ADAMTS10: variants seen among roughly 807,000 people sequenced by gnomAD.
The protein encoded by ADAMTS10 is A disintegrin and metalloproteinase with thrombospondin motifs 10.
In ADAMTS10, 48 loss-of-function variants were observed where a neutral mutation model predicts 135.9. That is an observed-to-expected ratio of 0.35 (90% CI 0.28 to 0.45). ADAMTS10 has a LOEUF of 0.45. ADAMTS10 is among the 20% of genes least tolerant of loss of function. The probability of loss-of-function intolerance (pLI) is 1.00; values close to 1 mark genes in which losing one functional copy is unlikely to be tolerated. For synonymous variants in ADAMTS10, 621 were observed against 647.5 expected (o/e 0.96, Z 0.62); for missense variants, 1,131 against 1,565.2 (o/e 0.72, Z 4.68).
chr19:8,592,028 G>C lies in ADAMTS10; in HGVS notation c.1663C>G (p.Pro555Ala), dbSNP rs1568398490. Residue 555 changes from proline (P) to alanine (A), a missense_variant, in exon 14 of 26, where the codon CCA becomes GCA. Around this residue, in one of 3 missense-constraint regions of ADAMTS10, gnomAD observed 745 missense variants for 1,056.3 expected, o/e 0.71. Transcript: ENST00000597188. The stretch of plus-strand genomic sequence containing the variant: ...CAGGTCCGGCTGCAGTCGCCCCATG[G>C]AGTCCACGGCCCCCAGGCTCCGTCC... ...GVDGAWGPWT[P>A]WGDCSRTCGG... is the part of the protein sequence containing the mutation. The C allele has an allele frequency of 1.2e-6, 2 of 1,613,828 alleles. No homozygotes were observed. The highest frequency in any genetic ancestry group is 1.7e-6 in the Non-Finnish European group (2 of 1,179,884).
chr19:8,591,446 T>TTG (rs200432122), intron 15 of ADAMTS10, among the ~76,000 whole-genome samples: 28 of 138,516 alleles, frequency 2.0e-4, no homozygotes, highest in South Asian at 4.5e-4. Flanking sequence ...GTTTTTGTTT[T>TTG]TTTTTTTTTT....
intron 12 of ADAMTS10, 47 bp downstream of exon 12, chr19:8,595,715 G>A: frequency 1.7e-5 from 14 of 843,890 alleles, no homozygotes; most frequent in East Asian, 9.6e-5. Context: ...CCCAGCCCCA[G>A]CGGCCCCCTC....
At chr19:8,600,460 TTCTTTTCTCTTTCTTTCTG>T (rs2042650322) in intron 6 of ADAMTS10, among the ~76,000 whole-genome samples, 2 of 141,114 alleles carry the variant, frequency 1.4e-5, no homozygotes, top group South Asian at 5.4e-4. Context: ...CTCTCTTTCT[TTCTTTTCTCTTTCTTTCTG>T]TCTTTTCTTT....
At chr19:8,609,370 A>G (rs1405423327) in intron 1 of ADAMTS10, among the ~76,000 whole-genome samples, 1 of 151,750 alleles carries the variant, frequency 6.6e-6, no homozygotes, top group Admixed American at 6.6e-5. Context: ...GGAAATGGAA[A>G]TGGCTTAGAA....
At chr19:8,600,853 C>A (rs1269621241) in intron 6 of ADAMTS10, 75 bp downstream of exon 6, 1 of 1,570,992 alleles carries the variant, frequency 6.4e-7, no homozygotes, top group Non-Finnish European at 8.7e-7. Context: ...GGGATGGTAG[C>A]CACCCCCTTG....
chr19:8,607,191 A>C (rs7253116), intron 2 of ADAMTS10, among the ~76,000 whole-genome samples: 84,819 of 151,912 alleles, frequency 0.56, 24,385 homozygotes, highest in Non-Finnish European at 0.62. Flanking sequence ...TCTTTGGATT[A>C]TCTGAAATGG....
intron 6 of ADAMTS10, 21 bp downstream of exon 6, chr19:8,600,907 C>G (rs1322786161): frequency 6.2e-7 from 1 of 1,613,786 alleles, no homozygotes; most frequent in East Asian, 2.2e-5. Flanking sequence ...GCTGCGTGCC[C>G]AGGGAGGGGA....
In ADAMTS10 at chr19:8,589,349, C is replaced by T. The variant is rs372858576; in HGVS notation, c.2051G>A (p.Arg684Gln). ...CTCCCGCAGGTCGGAGCCCAGGACTCGGTCGCAGCCCACGTGCTGCGTGGA... is the reference window on the plus strand; with the variant it reads ...CTCCCGCAGGTCGGAGCCCAGGACTTGGTCGCAGCCCACGTGCTGCGTGGA... ...SGECKHVGCD[R>Q]VLGSDLREDK... is the part of the protein sequence containing the mutation. The change falls in exon 18 of 26, where the codon CGA becomes CAA. Residue 684 changes from arginine to glutamine, a missense_variant. Around this residue, in one of 3 missense-constraint regions of ADAMTS10, gnomAD observed 745 missense variants for 1,056.3 expected, o/e 0.71. Coordinates refer to ENST00000597188, the MANE Select transcript of ADAMTS10 (RefSeq NM_030957.4). 30 of 1,612,258 alleles carry T rather than the reference C, an allele frequency of 1.9e-5. No homozygotes were observed. Among genetic ancestry groups the T allele is most frequent in the Non-Finnish European group, 2.3e-5 (27 of 1,179,922 alleles).
intron 4 of ADAMTS10, among the ~76,000 whole-genome samples, chr19:8,604,778 G>A (rs1394032275): frequency 6.6e-6 from 1 of 151,990 alleles, no homozygotes; most frequent in East Asian, 1.9e-4. Context: ...AAGTCACCAT[G>A]CCCAGCCTCG....
intron 1 of ADAMTS10, among the ~76,000 whole-genome samples, chr19:8,610,097 A>T (rs2042764236): frequency 6.6e-6 from 1 of 151,848 alleles, no homozygotes; most frequent in South Asian, 2.1e-4. Flanking sequence ...ACAGACACAC[A>T]GGCCTACACG....
intron 25 of ADAMTS10, among the ~76,000 whole-genome samples, chr19:8,584,431 G>A (rs964884661): frequency 6.6e-6 from 1 of 151,748 alleles, no homozygotes; most frequent in Non-Finnish European, 1.5e-5. Context: ...AGGATCGCTT[G>A]AGCCCAGGAG....
In ADAMTS10 at chr19:8,589,895, G is replaced by T. The variant is rs571080944; in HGVS notation, c.1894C>A (p.Arg632=). ...RGKFYKWKTY[R]GGGVKACSLT... ...TTTGGAGTCCCACACTCACCTCCCC[G>T]GTACGTTTTCCACTTGTAGAATTTC... Residue 632 remains arginine, a synonymous_variant, in exon 16 of 26, where the codon CGG becomes AGG. Transcript: ENST00000597188. 1.2e-6 allele frequency: 2 copies of T among 1,613,636 alleles called. No homozygotes were observed. The highest frequency in any genetic ancestry group is 1.7e-6 in the Non-Finnish European group (2 of 1,179,652).
At chr19:8,588,940 C>T (rs534753521) in intron 18 of ADAMTS10, among the ~76,000 whole-genome samples, 205 of 152,072 alleles carry the variant, frequency 1.3e-3, no homozygotes, top group African/African-American at 4.7e-3. Flanking sequence ...TACAGGTGCT[C>T]GCCACCACGC....
intron 5 of ADAMTS10, among the ~76,000 whole-genome samples, chr19:8,603,096 A>G (rs2042683741): frequency 6.6e-6 from 1 of 152,140 alleles, no homozygotes; most frequent in African/African-American, 2.4e-5. Context: ...TACAACCACC[A>G]CACCGTCTAA....
chr19:8,592,942 G>T (rs2042560296), intron 12 of ADAMTS10, 72 bp from the exon 13 acceptor site: 1 of 1,387,500 alleles, frequency 7.2e-7, no homozygotes, highest in Non-Finnish European at 1.0e-6. Flanking sequence ...CGGCTTGGGA[G>T]GACCCAGATG....
Position 8,586,875 on chromosome 19 carries a change from AT to A in ADAMTS10, c.2179del (p.Ile727PhefsTer13). 6.2e-7 allele frequency: 1 copy of A among 1,614,174 alleles called. No individual in the cohort carries two copies. The highest frequency in any genetic ancestry group is 8.5e-7 in the Non-Finnish European group (1 of 1,180,032). On this transcript the variant is annotated frameshift_variant, in exon 19 of 26. Coordinates refer to ENST00000597188, the MANE Select transcript of ADAMTS10 (RefSeq NM_030957.4). LOFTEE classifies it high-confidence loss of function. ...PGAGYEDVVW[I>X]PKGSVHIFIQ... ...GAAGATGTGGACGGAGCCTTTGGGA[AT>A]CCAGACGACATCCTCGTACCCTGAA...
chr19:8,589,982 G>T lies in ADAMTS10; in HGVS notation c.1807C>A (p.Pro603Thr), dbSNP rs1457417816. ...ACTTCTCTGAAGTCCTGGGAGCCAG[G>T]GGGACAGTCCTGGGGGCAGGAGAGG... ...HRSCNTDDCP[P>T]GSQDFREVQC... Residue 603 changes from proline (P) to threonine (T), a missense_variant, in exon 16 of 26, where the codon CCT becomes ACT. This residue lies in a region of ADAMTS10 where 745 missense variants were observed against 1,056.3 expected (regional missense o/e 0.71). Transcript: ENST00000597188. 6.2e-7 allele frequency: 1 copy of T among 1,613,484 alleles called. No homozygotes were observed. Among genetic ancestry groups the T allele is most frequent in the Admixed American group, 1.7e-5 (1 of 59,996 alleles).
At chr19:8,608,752 T>C (rs1351713990) in intron 1 of ADAMTS10, among the ~76,000 whole-genome samples, 1 of 152,052 alleles carries the variant, frequency 6.6e-6, no homozygotes, top group Non-Finnish European at 1.5e-5. Flanking sequence ...CACTGTCCTC[T>C]GAAGTGAGGC....
chr19:8,586,207 A>G lies in ADAMTS10; in HGVS notation c.2575T>C (p.Ser859Pro). The G allele has an allele frequency of 1.2e-6, 2 of 1,612,688 alleles. No homozygotes were observed. Among genetic ancestry groups the G allele is most frequent in the Non-Finnish European group, 1.7e-6 (2 of 1,179,920 alleles). ...CTGCAGTAGTGGGGGGCGACCGCGGAGCTGTCCAGCTGGTTGCGGCACTCC... is the reference window on the plus strand; with the variant it reads ...CTGCAGTAGTGGGGGGCGACCGCGGGGCTGTCCAGCTGGTTGCGGCACTCC... ...AVECRNQLDSSAVAPHYCSAH... is the reference protein window; with the variant it reads ...AVECRNQLDSPAVAPHYCSAH... Residue 859 changes from serine (S) to proline (P), a missense_variant, in exon 22 of 26, where the codon TCC (serine) becomes CCC (proline). By Grantham distance (74) the Ser-to-Pro change is moderately conservative. Transcript: ENST00000597188.
Sources: allele counts gnomAD v4.1 joint callset (sites outside exome capture counted in the v4.1 genomes callset), GRCh38; gene constraint gnomAD v4.1.1; regional missense constraint gnomAD v4.1.1; transcripts MANE v1.5; gene names NCBI Gene and HGNC (gene_info 2026-07-23, HGNC 2026-07-21).